The following DLG2 variants were observed in gnomAD, a reference collection of about 807,000 sequenced individuals.
DLG2 encodes the protein disks large homolog 2.
A neutral mutation model predicts 132.5 loss-of-function variants in DLG2; 45 were observed. The observed-to-expected ratio is 0.34, with a 90% CI of 0.27 to 0.44. The LOEUF (loss-of-function observed/expected upper bound fraction) is 0.44, where lower values mean the gene tolerates loss of function less well. Ranked by LOEUF, DLG2 falls within the 20% of genes least tolerant of loss-of-function variation. The pLI is 1.00. For missense variants in DLG2, 1,045 were observed against 1,196.9 expected (o/e 0.87, Z 1.87); for synonymous variants, 424 against 419.6 (o/e 1.01, Z -0.13).
At chr11:83,770,248 G>A (rs1318710286) in intron 18 of DLG2, among the ~76,000 whole-genome samples, 1 of 99,392 alleles carries the variant, frequency 1.0e-5, no homozygotes, top group Non-Finnish European at 2.1e-5. Context: ...GTCTCGTGGT[G>A]TCTGGTGTTT....
chr11:83,535,969 T>A (rs1287606554), intron 20 of DLG2, among the ~76,000 whole-genome samples: 1 of 152,190 alleles, frequency 6.6e-6, no homozygotes, highest in Non-Finnish European at 1.5e-5. Flanking sequence ...ACAGCTAACT[T>A]CAGTGTCTGT....
intron 19 of DLG2, among the ~76,000 whole-genome samples, chr11:83,630,727 A>T (rs1393925272): frequency 6.6e-6 from 1 of 152,146 alleles, no homozygotes; most frequent in East Asian, 1.9e-4. Context: ...GACTGGGGGT[A>T]GGAGAGCTGA....
intron 15 of DLG2, among the ~76,000 whole-genome samples, chr11:83,884,813 C>A (rs914237361): frequency 6.6e-6 from 1 of 152,180 alleles, no homozygotes; most frequent in Admixed American, 6.5e-5. Context: ...CTGCAGCCAC[C>A]GCTGCTGGTA....
At chr11:83,905,087 GTAA>G (rs201898073) in intron 15 of DLG2, among the ~76,000 whole-genome samples, 3 of 152,070 alleles carry the variant, frequency 2.0e-5, no homozygotes, top group Non-Finnish European at 2.9e-5. Context: ...AAAATTGCTA[GTAA>G]TAATAATAAT....
intron 21 of DLG2, among the ~76,000 whole-genome samples, chr11:83,511,508 G>C (rs1013638663): frequency 1.6e-4 from 25 of 152,104 alleles, no homozygotes; most frequent in Non-Finnish European, 2.5e-4. Context: ...ATGGGGTGCT[G>C]TTACCTCCAT....
intron 18 of DLG2, among the ~76,000 whole-genome samples, chr11:83,718,742 TAAGTC>T (rs2153679568): frequency 6.6e-6 from 1 of 152,026 alleles, no homozygotes; most frequent in South Asian, 2.1e-4. Flanking sequence ...TATAAAAACT[TAAGTC>T]AAGATGAGTA....
chr11:84,744,690 A>T (rs573250430), intron 6 of DLG2, among the ~76,000 whole-genome samples: 55 of 152,308 alleles, frequency 3.6e-4, no homozygotes, highest in Admixed American at 1.3e-3. Flanking sequence ...TCAACTAATA[A>T]AAAAGGTACA....
intron 3 of DLG2, among the ~76,000 whole-genome samples, chr11:85,418,765 T>C (rs901179606): frequency 6.6e-6 from 1 of 152,176 alleles, no homozygotes; most frequent in African/African-American, 2.4e-5. Flanking sequence ...CTGCTTTTTG[T>C]TTGCTTTCCA....
At chr11:83,891,326 A>G (rs1270352100) in intron 15 of DLG2, among the ~76,000 whole-genome samples, 2 of 152,186 alleles carry the variant, frequency 1.3e-5, no homozygotes, top group Non-Finnish European at 2.9e-5. Context: ...AAGGCATGTC[A>G]GCCAAAAACG....
chr11:83,636,662 G>T (rs912885630), intron 18 of DLG2, among the ~76,000 whole-genome samples: 2 of 152,064 alleles, frequency 1.3e-5, no homozygotes, highest in Non-Finnish European at 2.9e-5. Flanking sequence ...TCAACACTTT[G>T]TTAGGCTCTT....
In DLG2 at chr11:84,246,334, T is replaced by C. The variant is rs145165594; in HGVS notation, c.573+4904A>G. Among the ~76,000 whole-genome samples, 704 of 152,382 alleles carry C rather than the reference T, an allele frequency of 4.6e-3. 7 individuals are homozygous for C. The highest frequency in any genetic ancestry group is 0.031 in the South Asian group (150 of 4,826). ...GTTATTTCTTTGTTTAGGGTATCTG[T>C]GCTGCAGATGTTACCTGCCCTTTAT... On this transcript the variant is annotated intron_variant, in intron 8 of 27. Transcript: ENST00000376104.
intron 17 of DLG2, among the ~76,000 whole-genome samples, chr11:83,804,366 A>G (rs1188903701): frequency 2.0e-5 from 3 of 151,968 alleles, no homozygotes; most frequent in Non-Finnish European, 4.4e-5. Flanking sequence ...TTTCCTTTCT[A>G]ATTTACTATG....
chr11:84,564,026 A>C (rs2099439278), intron 6 of DLG2, among the ~76,000 whole-genome samples: 1 of 152,190 alleles, frequency 6.6e-6, no homozygotes, highest in Non-Finnish European at 1.5e-5. Flanking sequence ...AGACAACTCC[A>C]GTCTCACTCG....
intron 7 of DLG2, among the ~76,000 whole-genome samples, chr11:84,485,718 C>A (rs2099148994): frequency 6.6e-6 from 1 of 152,116 alleles, no homozygotes; most frequent in Non-Finnish European, 1.5e-5. Context: ...ATATGAAGGT[C>A]CTACTGTAGT....
At chr11:84,998,247 G>A (rs2057864298) in intron 6 of DLG2, among the ~76,000 whole-genome samples, 2 of 151,960 alleles carry the variant, frequency 1.3e-5, no homozygotes, top group African/African-American at 2.4e-5. Context: ...AGGTGTCAAG[G>A]GCAGGACCAG....
chr11:84,941,697 CT>C (rs550984313), intron 6 of DLG2, among the ~76,000 whole-genome samples: 13,317 of 141,372 alleles, frequency 0.094, 743 homozygotes, highest in Non-Finnish European at 0.11. Flanking sequence ...CTTTCTTTCT[CT>C]TTTTTTTTTT....
intron 6 of DLG2, among the ~76,000 whole-genome samples, chr11:84,604,733 G>A (rs1010763230): frequency 1.3e-5 from 2 of 151,950 alleles, no homozygotes; most frequent in Non-Finnish European, 2.9e-5. Flanking sequence ...GTCTCTCAGA[G>A]GACACTGATT....
In DLG2 at chr11:83,517,796, T is replaced by C. The variant is rs568023632; in HGVS notation, c.2193+14912A>G. Among the ~76,000 whole-genome samples the C allele has an allele frequency of 2.6e-5, 4 of 152,328 alleles. No homozygotes were observed. In the South Asian group the frequency reaches 8.3e-4, roughly 32 times the overall value. Reference sequence around the variant, plus strand: ...TTTGCCGGAGGTCCACTCCAGACCCTGTTTGCCTGGGTATCAGCAGCAGAG... The same window carrying C: ...TTTGCCGGAGGTCCACTCCAGACCCCGTTTGCCTGGGTATCAGCAGCAGAG... On this transcript the variant is annotated intron_variant, in intron 21 of 27. Coordinates refer to ENST00000376104, the MANE Select transcript of DLG2 (RefSeq NM_001142699.3).
At chr11:85,047,402 A>C (rs1331223844) in intron 6 of DLG2, among the ~76,000 whole-genome samples, 1 of 152,022 alleles carries the variant, frequency 6.6e-6, no homozygotes, top group Non-Finnish European at 1.5e-5. Flanking sequence ...TCCTTTAAAA[A>C]TTGAAATCCA....
Sources: gnomAD v4.1 joint callset for allele counts (sites outside exome capture counted in the v4.1 genomes callset) on GRCh38, gnomAD v4.1.1 for gene constraint, MANE v1.5 for transcripts, NCBI Gene and HGNC (gene_info 2026-07-23, HGNC 2026-07-21) for gene names.